Variants in COL15A1 observed in about 807,000 individuals in gnomAD.
COL15A1 encodes the protein collagen type XV alpha 1 chain, also known as collagen alpha-1(XV) chain.
In COL15A1, 111 loss-of-function variants were observed where a neutral mutation model predicts 165.9. The observed-to-expected ratio is 0.67, with a 90% confidence interval of 0.57 to 0.78. The LOEUF (loss-of-function observed/expected upper bound fraction) is 0.78, where lower values mean the gene tolerates loss of function less well. Among genes scored for constraint, COL15A1 ranks in the 30% least tolerant of loss-of-function variants. The pLI is 0.00. For missense variants in COL15A1, 1,745 were observed against 1,789.7 expected (o/e 0.98, Z 0.45); for synonymous variants, 659 against 674.8 (o/e 0.98, Z 0.36).
intron 26 of COL15A1, among the ~76,000 whole-genome samples, chr9:99,045,929 G>T (rs2119088163): frequency 6.6e-6 from 1 of 152,352 alleles, no homozygotes; most frequent in Admixed American, 6.5e-5. Flanking sequence ...TTGAAGAATG[G>T]CCTGTAACTT....
chr9:98,993,133 C>T (rs531167628), intron 5 of COL15A1, among the ~76,000 whole-genome samples: 1 of 152,312 alleles, frequency 6.6e-6, no homozygotes, highest in East Asian at 1.9e-4. Flanking sequence ...CTCCAAGGCT[C>T]AGTTTCCTCC....
At position 99,006,422 on chromosome 9, in the gene COL15A1, C is replaced by T. The variant is rs114987310; in HGVS notation, c.1353+1372C>T. Among the ~76,000 whole-genome samples, 608 of 152,350 alleles carry T rather than the reference C, an allele frequency of 4.0e-3. 6 individuals carry two copies. The highest frequency in any genetic ancestry group is 0.014 in the African/African-American group (564 of 41,588). On this transcript the variant is annotated intron_variant, in intron 9 of 41. Transcript: ENST00000375001. ...TCATCAGGACATCACAGATCAACAA[C>T]GCCGGCCTTTGATGTCATTGCACAC...
At chr9:98,990,274 A>G (rs1468828079) in intron 5 of COL15A1, among the ~76,000 whole-genome samples, 1 of 152,246 alleles carries the variant, frequency 6.6e-6, no homozygotes, top group African/African-American at 2.4e-5. Context: ...TGAAGGGTGT[A>G]TGGGCCGGAC....
In COL15A1 at chr9:99,042,924, G is replaced by A. The variant is rs373700673; in HGVS notation, c.2574+817G>A. ...CCATGTATATACTCATCCATCTTTC[G>A]TCCACTGACCCGTGTGGTGTGCCAG... On this transcript the variant is annotated intron_variant, in intron 24 of 41. Coordinates refer to ENST00000375001, the MANE Select transcript of COL15A1 (RefSeq NM_001855.5). Among the ~76,000 whole-genome samples the A allele has an allele frequency of 5.9e-4, 90 of 152,192 alleles. 3 individuals are homozygous for A. The South Asian group carries it at 0.018, about 30-fold the overall frequency.
intron 6 of COL15A1, among the ~76,000 whole-genome samples, chr9:98,999,261 C>G (rs1365296198): frequency 2.6e-5 from 4 of 152,206 alleles, no homozygotes; most frequent in African/African-American, 9.6e-5. Context: ...GGGCCCTTCC[C>G]AGTCTCAGTC....
At chr9:99,015,896 C>T in intron 10 of COL15A1, 80 bp from the exon 11 acceptor site, 2 of 1,537,608 alleles carry the variant, frequency 1.3e-6, no homozygotes, top group Non-Finnish European at 1.8e-6. Flanking sequence ...TGGGCTGGCA[C>T]CACAGAAACG....
At chr9:99,027,005 C>T (rs1484230806) in intron 16 of COL15A1, among the ~76,000 whole-genome samples, 1 of 152,218 alleles carries the variant, frequency 6.6e-6, no homozygotes, top group Non-Finnish European at 1.5e-5. Context: ...AGAGTCTGGC[C>T]TGCCTTCATC....
At chr9:99,040,188 TC>T (rs1322405259) in intron 22 of COL15A1, among the ~76,000 whole-genome samples, 1 of 152,226 alleles carries the variant, frequency 6.6e-6, no homozygotes, top group African/African-American at 2.4e-5. Context: ...ATTGGAGGTT[TC>T]TGATATTAGG....
intron 4 of COL15A1, among the ~76,000 whole-genome samples, 155 bp from the exon 5 acceptor site, chr9:98,989,023 G>GAC (rs67974914): frequency 0.17 from 24,356 of 144,212 alleles, 2,064 homozygotes; most frequent in East Asian, 0.28. Context: ...GTCTCTCATA[G>GAC]ACACACACAC....
At chr9:99,025,657 A>G (rs1034631407) in intron 15 of COL15A1, among the ~76,000 whole-genome samples, 2 of 152,128 alleles carry the variant, frequency 1.3e-5, no homozygotes, top group African/African-American at 2.4e-5. Flanking sequence ...ATCTGGTCCA[A>G]CCCTGTCTCT....
At chr9:99,027,886 A>G (rs917050588) in intron 16 of COL15A1, among the ~76,000 whole-genome samples, 3 of 152,246 alleles carry the variant, frequency 2.0e-5, no homozygotes, top group Admixed American at 6.5e-5. Flanking sequence ...AAAAGTCCCT[A>G]ATAAACCAAG....
chr9:99,032,940 C>T (rs1839231865), intron 16 of COL15A1, among the ~76,000 whole-genome samples: 1 of 152,172 alleles, frequency 6.6e-6, no homozygotes, highest in Non-Finnish European at 1.5e-5. Context: ...GCTATGTTAT[C>T]CTACCTTTTC....
chr9:98,961,715 G>A (rs1837868364), intron 2 of COL15A1, among the ~76,000 whole-genome samples: 1 of 152,138 alleles, frequency 6.6e-6, no homozygotes, highest in African/African-American at 2.4e-5. Flanking sequence ...AGGGCCACCC[G>A]GGGTAAAGGC....
chr9:99,055,432 C>G (rs1234581392), intron 34 of COL15A1, 60 bp downstream of exon 34: 1 of 1,021,754 alleles, frequency 9.8e-7, no homozygotes, highest in South Asian at 1.3e-5. Flanking sequence ...CCGGAAGCCC[C>G]CAATGGGACT....
intron 2 of COL15A1, among the ~76,000 whole-genome samples, chr9:98,944,614 T>G (rs1837547104): frequency 6.6e-6 from 1 of 152,284 alleles, no homozygotes; most frequent in Non-Finnish European, 1.5e-5. Context: ...CTGGCTGGCT[T>G]CTGGTAAGGG....
chr9:98,983,981 C>T (rs1838268693), intron 2 of COL15A1, among the ~76,000 whole-genome samples: 1 of 152,202 alleles, frequency 6.6e-6, no homozygotes, highest in Non-Finnish European at 1.5e-5. Context: ...GGGGTTTTCT[C>T]TGGAGACAAA....
intron 39 of COL15A1, among the ~76,000 whole-genome samples, chr9:99,066,102 G>T (rs1441363322): frequency 2.0e-5 from 3 of 152,092 alleles, no homozygotes; most frequent in Admixed American, 2.0e-4. Context: ...TGAGATAAAA[G>T]TTACCCCCGA....
chr9:99,036,711 A>G (rs961367168), intron 21 of COL15A1, among the ~76,000 whole-genome samples: 4 of 152,266 alleles, frequency 2.6e-5, no homozygotes, highest in Non-Finnish European at 5.9e-5. Context: ...AGCCAAGTGC[A>G]GAGCACATTG....
intron 2 of COL15A1, among the ~76,000 whole-genome samples, chr9:98,984,349 C>T (rs1038848860): frequency 1.2e-4 from 19 of 152,162 alleles, no homozygotes; most frequent in Non-Finnish European, 2.8e-4. Flanking sequence ...TTGGATGGGC[C>T]AACATTCTGG....
Sources: allele counts gnomAD v4.1 joint callset (sites outside exome capture counted in the v4.1 genomes callset), GRCh38; gene constraint gnomAD v4.1.1; transcripts MANE v1.5; gene names NCBI Gene and HGNC (gene_info 2026-07-23, HGNC 2026-07-21).